VRK2: variants seen among roughly 807,000 people sequenced by gnomAD.
VRK2 encodes VRK serine/threonine kinase 2, also known as serine/threonine-protein kinase VRK2.
VRK2 carries 60 observed loss-of-function variants against 57.6 expected under a neutral mutation model. The ratio of observed to expected loss-of-function variants is 1.04; its 90% CI spans 0.85 to 1.29. The LOEUF (loss-of-function observed/expected upper bound fraction) is 1.29. Ranked by LOEUF, VRK2 falls within the 50% of genes most tolerant of loss-of-function variation. The pLI is 0.00. For missense variants in VRK2, 705 were observed against 588.1 expected (o/e 1.20, Z -2.06); for synonymous variants, 231 against 199.2 (o/e 1.16, Z -1.35).
chr2:57,983,638 T>C (rs1013408201), intron 1 of VRK2, among the ~76,000 whole-genome samples: 24 of 152,334 alleles, frequency 1.6e-4, no homozygotes, highest in Non-Finnish European at 3.2e-4. Context: ...TTATTTCTCC[T>C]GCTGAAAAGT....
At chr2:58,156,342 CTT>C (rs1285156564) in intron 12 of VRK2, among the ~76,000 whole-genome samples, 2 of 151,718 alleles carry the variant, frequency 1.3e-5, no homozygotes, top group South Asian at 2.1e-4. Flanking sequence ...GGATGGCTGT[CTT>C]TTGTTTATTG....
intron 1 of VRK2, among the ~76,000 whole-genome samples, chr2:57,990,155 G>C (rs1672717828): frequency 6.6e-6 from 1 of 152,170 alleles, no homozygotes; most frequent in Admixed American, 6.5e-5. Context: ...TCTTAACACA[G>C]AGCATAACAC....
At chr2:58,038,046 T>C (rs187209601) in intron 3 of VRK2, among the ~76,000 whole-genome samples, 1 of 152,106 alleles carries the variant, frequency 6.6e-6, no homozygotes, top group Non-Finnish European at 1.5e-5. Flanking sequence ...TATGCCACTT[T>C]GATATAAGGA....
rs1681050515 is a variant in VRK2, at chr2:58,139,756, A to G, written c.947A>G (p.His316Arg). 1 of 1,613,304 alleles carries G rather than the reference A, an allele frequency of 6.2e-7. No individual in the cohort carries two copies. Among genetic ancestry groups the G allele is most frequent in the Non-Finnish European group, 8.5e-7 (1 of 1,179,458 alleles). ...YQALKKILNPHGIPLGPLDFS... is the reference protein window; with the variant it reads ...YQALKKILNPRGIPLGPLDFS... ...GCCCTCAAGAAAATTTTGAACCCTC[A>G]TGGAATACCTTTAGGACCACTGGAC... The change falls in exon 11 of 13, where the codon CAT becomes CGT. Residue 316 changes from histidine (H) to arginine (R), a missense_variant. By Grantham distance (29) the His-to-Arg change is conservative. Coordinates refer to ENST00000340157, the MANE Select transcript of VRK2 (RefSeq NM_006296.7).
intron 7 of VRK2, among the ~76,000 whole-genome samples, chr2:58,110,628 G>A (rs968953663): frequency 2.0e-5 from 3 of 152,102 alleles, no homozygotes; most frequent in African/African-American, 7.2e-5. Context: ...CTAATACTGA[G>A]ATAGAATTAG....
intron 2 of VRK2, among the ~76,000 whole-genome samples, chr2:58,074,096 G>A (rs759630746): frequency 7.9e-5 from 12 of 152,172 alleles, no homozygotes; most frequent in South Asian, 2.1e-4. Context: ...TTTGATATTA[G>A]TATAGCTACT....
At chr2:57,991,536 G>A (rs1274210814) in intron 1 of VRK2, among the ~76,000 whole-genome samples, 1 of 152,054 alleles carries the variant, frequency 6.6e-6, no homozygotes, top group African/African-American at 2.4e-5. Flanking sequence ...AGCATTTACC[G>A]AACCAGGGTC....
At chr2:57,964,050 T>C (rs1211213474) in intron 1 of VRK2, among the ~76,000 whole-genome samples, 1 of 152,136 alleles carries the variant, frequency 6.6e-6, no homozygotes, top group Non-Finnish European at 1.5e-5. Flanking sequence ...GCTATAAATA[T>C]ATGATTGAGC....
chr2:58,120,839 C>T (rs928548649), intron 7 of VRK2, among the ~76,000 whole-genome samples: 5 of 147,320 alleles, frequency 3.4e-5, no homozygotes, highest in South Asian at 4.2e-4. Context: ...ACATAGATGG[C>T]GTGATCACAT....
intron 1 of VRK2, among the ~76,000 whole-genome samples, chr2:57,936,470 T>G (rs1008864456): frequency 4.6e-5 from 7 of 152,020 alleles, no homozygotes; most frequent in Admixed American, 2.0e-4. Flanking sequence ...TGATGCAAAA[T>G]TAAATAATTT....
At chr2:58,097,589 T>G (rs72951056) in intron 7 of VRK2, among the ~76,000 whole-genome samples, 9,371 of 152,188 alleles carry the variant, frequency 0.062, 973 homozygotes, top group African/African-American at 0.21. Context: ...TGTACCATAT[T>G]ATGATGTTTT....
chr2:57,968,066 G>A (rs1671976750), intron 1 of VRK2, among the ~76,000 whole-genome samples: 1 of 151,810 alleles, frequency 6.6e-6, no homozygotes, highest in Non-Finnish European at 1.5e-5. Flanking sequence ...ATTAAAACAA[G>A]AAGAGAAAAA....
At chr2:57,930,674 A>T (rs982926411) in intron 1 of VRK2, among the ~76,000 whole-genome samples, 5 of 152,120 alleles carry the variant, frequency 3.3e-5, no homozygotes, top group Non-Finnish European at 2.9e-5. Context: ...CATGCTGTAC[A>T]TTAGTTCTTT....
chr2:57,934,952 C>A (rs1572879039), intron 1 of VRK2, among the ~76,000 whole-genome samples: 1 of 152,146 alleles, frequency 6.6e-6, no homozygotes, highest in East Asian at 1.9e-4. Flanking sequence ...AATTGAATTT[C>A]TTGTTTTGTT....
At chr2:57,969,943 G>A (rs542155430) in intron 1 of VRK2, among the ~76,000 whole-genome samples, 3 of 151,898 alleles carry the variant, frequency 2.0e-5, no homozygotes, top group African/African-American at 4.8e-5. Flanking sequence ...TGGTATGGAC[G>A]TGTTTCAGTT....
At chr2:58,148,099 T>C (rs778413550) in intron 12 of VRK2, among the ~76,000 whole-genome samples, 22 of 151,838 alleles carry the variant, frequency 1.4e-4, no homozygotes, top group Non-Finnish European at 2.8e-4. Flanking sequence ...TTCAATTTTA[T>C]AAAGAGCTGA....
intron 1 of VRK2, chr2:58,048,384 C>A (rs1389164919): frequency 8.2e-6 from 3 of 367,808 alleles, no homozygotes; most frequent in East Asian, 7.5e-5. Flanking sequence ...CTGTGTCTTC[C>A]CAATCCAATC....
chr2:58,059,098 T>C (rs1486762127), intron 2 of VRK2, among the ~76,000 whole-genome samples: 2 of 152,082 alleles, frequency 1.3e-5, no homozygotes, highest in Non-Finnish European at 2.9e-5. Flanking sequence ...ATCAGTGATA[T>C]GTTTTTGATA....
At chr2:58,081,709 T>C (rs1670894787) in intron 2 of VRK2, among the ~76,000 whole-genome samples, 1 of 151,944 alleles carries the variant, frequency 6.6e-6, no homozygotes, top group Non-Finnish European at 1.5e-5. Context: ...TTGTGTATTG[T>C]TTTTGTCAAT....
Sources: allele counts gnomAD v4.1 joint callset (sites outside exome capture counted in the v4.1 genomes callset), GRCh38; gene constraint gnomAD v4.1.1; transcripts MANE v1.5; gene names NCBI Gene and HGNC (gene_info 2026-07-23, HGNC 2026-07-21).